SNX7: variants seen among roughly 807,000 people sequenced by gnomAD.
SNX7 encodes sorting nexin 7, also known as sorting nexin-7.
SNX7 carries 35 observed loss-of-function variants against 48.4 expected under a neutral mutation model. The ratio of observed to expected loss-of-function variants is 0.72; its 90% CI spans 0.55 to 0.96. SNX7 has a LOEUF of 0.96. Ranked by LOEUF, SNX7 falls within the 40% of genes least tolerant of loss-of-function variation. SNX7 has a pLI of 0.00. For synonymous variants in SNX7, 190 were observed against 190.2 expected (o/e 1.00, Z 0.01); for missense variants, 553 against 548.9 (o/e 1.01, Z -0.07).
At chr1:98,713,551 A>G (rs1652431984) in intron 7 of SNX7, among the ~76,000 whole-genome samples, 1 of 152,186 alleles carries the variant, frequency 6.6e-6, no homozygotes. Flanking sequence ...TGTTCTGTGC[A>G]AGAGGCCTAG....
chr1:98,729,293 A>C (rs1354952140), intron 7 of SNX7, among the ~76,000 whole-genome samples: 1 of 152,176 alleles, frequency 6.6e-6, no homozygotes, highest in East Asian at 1.9e-4. Flanking sequence ...GTTAAGAGGG[A>C]AGTTTATAGC....
chr1:98,682,536 C>T (rs1027627538), intron 1 of SNX7, among the ~76,000 whole-genome samples: 20 of 152,166 alleles, frequency 1.3e-4, no homozygotes, highest in Middle Eastern at 3.4e-3. Flanking sequence ...ATGACAATTG[C>T]CTGGATATGT....
chr1:98,665,964 T>C (rs1267043743), intron 1 of SNX7, among the ~76,000 whole-genome samples: 1 of 152,202 alleles, frequency 6.6e-6, no homozygotes, highest in East Asian at 1.9e-4. Context: ...TATGTATATA[T>C]ATATTTTTTT....
At position 98,755,751 on chromosome 1, in the gene SNX7, A is replaced by C. The variant is rs191726788; in HGVS notation, c.1279-4303A>C. Among the ~76,000 whole-genome samples the C allele has an allele frequency of 6.6e-4, 100 of 152,070 alleles. 1 individual carries two copies. The highest frequency in any genetic ancestry group is 6.8e-3 in the Middle Eastern group (2 of 294). ...ACTGCTGGGATTACAGGCATGAGCC[A>C]CCATGCCTGCCCATATATATATTTT... is the stretch of plus-strand genomic sequence containing the variant. On this transcript the variant is annotated intron_variant, in intron 8 of 8. Transcript: ENST00000306121.
Position 98,684,944 on chromosome 1 carries a change from A to G in SNX7, c.240A>G (p.Ser80=). ...FSPMMPTSPL[S]MINQIKFEDE... ...CTATGATGCCAACATCCCCTTTATCAATGATAAACCAAATCAAGTTTGAGG... is the reference window on the plus strand; with the variant it reads ...CTATGATGCCAACATCCCCTTTATCGATGATAAACCAAATCAAGTTTGAGG... Residue 80 remains serine, a synonymous_variant, in exon 2 of 9, where the codon TCA becomes TCG. Coordinates refer to ENST00000306121, the MANE Select transcript of SNX7 (RefSeq NM_015976.5). 1 of 1,597,456 alleles carries G rather than the reference A, an allele frequency of 6.3e-7. No individual in the cohort carries two copies. The highest frequency in any genetic ancestry group is 8.5e-7 in the Non-Finnish European group (1 of 1,170,682).
At chr1:98,721,504 C>T (rs537402059) in intron 7 of SNX7, among the ~76,000 whole-genome samples, 1 of 152,084 alleles carries the variant, frequency 6.6e-6, no homozygotes, top group South Asian at 2.1e-4. Flanking sequence ...TATAGAGAAC[C>T]TAGGTTCTAG....
At position 98,691,082 on chromosome 1, in the gene SNX7, G is replaced by A. The variant is rs1431330339; in HGVS notation, c.371G>A (p.Arg124His). 41 of 1,602,178 alleles carry A rather than the reference G, an allele frequency of 2.6e-5. No individual in the cohort carries two copies. Among genetic ancestry groups the A allele is most frequent in the Non-Finnish European group, 3.2e-5 (37 of 1,172,834 alleles). Residue 124 changes from arginine to histidine, a missense_variant, in exon 3 of 9, where the codon CGT (arginine) becomes CAT (histidine). Physicochemically the swap from Arg to His is conservative, Grantham distance 29. Transcript: ENST00000306121. Reference sequence around the variant, plus strand: ...TTCTCTTACTTTCTTCAGACATCTCGTGGGGAATTTGACTCCAGTGAATTT... The same window carrying A: ...TTCTCTTACTTTCTTCAGACATCTCATGGGGAATTTGACTCCAGTGAATTT... ...ITYRIITKTSRGEFDSSEFEV... is the reference protein window; with the variant it reads ...ITYRIITKTSHGEFDSSEFEV...
At chr1:98,727,631 T>G (rs1570578809) in intron 7 of SNX7, among the ~76,000 whole-genome samples, 1 of 152,070 alleles carries the variant, frequency 6.6e-6, no homozygotes. Context: ...AGAACCATGA[T>G]GAAACATTAC....
intron 7 of SNX7, among the ~76,000 whole-genome samples, chr1:98,718,075 G>A (rs1570564639): frequency 6.6e-6 from 1 of 152,142 alleles, no homozygotes; most frequent in African/African-American, 2.4e-5. Context: ...GATGGTAAGA[G>A]AAGTGCCAGA....
intron 7 of SNX7, among the ~76,000 whole-genome samples, chr1:98,720,749 C>G (rs1449625369): frequency 6.6e-6 from 1 of 152,082 alleles, no homozygotes; most frequent in East Asian, 1.9e-4. Flanking sequence ...TGGAATATTT[C>G]TATCATCACA....
chr1:98,727,049 G>A (rs9324402), intron 7 of SNX7, among the ~76,000 whole-genome samples: 83,902 of 151,828 alleles, frequency 0.55, 24,221 homozygotes, highest in Non-Finnish European at 0.64. Flanking sequence ...TCTCTGCTAA[G>A]AATACAAAAA....
upstream of SNX7, among the ~76,000 whole-genome samples, chr1:98,661,452 C>A (rs1649201500): frequency 6.6e-6 from 1 of 152,114 alleles, no homozygotes; most frequent in African/African-American, 2.4e-5. Flanking sequence ...CCACCTCCTA[C>A]CTTTGAGTCT....
intron 8 of SNX7, among the ~76,000 whole-genome samples, chr1:98,757,202 A>G (rs1366990869): frequency 6.6e-6 from 1 of 152,098 alleles, no homozygotes; most frequent in Non-Finnish European, 1.5e-5. Context: ...TCTTTTCTTT[A>G]TAAATTACCC....
chr1:98,691,213 A>G (rs1557799923), intron 3 of SNX7, 28 bp downstream of exon 3: 2 of 1,439,190 alleles, frequency 1.4e-6, no homozygotes. Flanking sequence ...TTTTTTTCAT[A>G]GAATAGCTAC....
At chr1:98,667,631 C>G (rs1010866125) in intron 1 of SNX7, among the ~76,000 whole-genome samples, 1 of 151,962 alleles carries the variant, frequency 6.6e-6, no homozygotes, top group African/African-American at 2.4e-5. Flanking sequence ...ATCTGCCCAC[C>G]TCGGCCTCCC....
chr1:98,751,586 G>T (rs768316540), intron 8 of SNX7, among the ~76,000 whole-genome samples: 6 of 151,988 alleles, frequency 3.9e-5, no homozygotes, highest in African/African-American at 7.2e-5. Context: ...ATGTGTACTG[G>T]ATTCTCAATT....
At chr1:98,736,673 A>T (rs1182136085) in intron 7 of SNX7, among the ~76,000 whole-genome samples, 1 of 152,160 alleles carries the variant, frequency 6.6e-6, no homozygotes, top group African/African-American at 2.4e-5. Flanking sequence ...TACATCTTAC[A>T]TTGGTCATGA....
chr1:98,678,118 A>T (rs1650278107), intron 1 of SNX7, among the ~76,000 whole-genome samples: 1 of 152,168 alleles, frequency 6.6e-6, no homozygotes, highest in Non-Finnish European at 1.5e-5. Context: ...TGCATGCTGT[A>T]CAGGAAGCAT....
intron 1 of SNX7, chr1:98,677,364 G>A (rs1650220711): frequency 6.6e-6 from 1 of 152,230 alleles, no homozygotes; most frequent in East Asian, 1.9e-4. Flanking sequence ...AAGCTGAGGA[G>A]GCATCCTGCA....
Sources: allele counts gnomAD v4.1 joint callset (sites outside exome capture counted in the v4.1 genomes callset), GRCh38; gene constraint gnomAD v4.1.1; transcripts MANE v1.5; gene names NCBI Gene and HGNC (gene_info 2026-07-23, HGNC 2026-07-21).